The following SCN8A variants were observed in gnomAD, a reference collection of about 807,000 sequenced individuals.
The protein encoded by SCN8A is sodium voltage-gated channel alpha subunit 8.
In SCN8A, 30 loss-of-function variants were observed where a neutral mutation model predicts 184.1. The observed-to-expected ratio is 0.16, with a 90% CI of 0.12 to 0.22. The LOEUF (loss-of-function observed/expected upper bound fraction) is 0.22, where lower values mean the gene tolerates loss of function less well. SCN8A is among the 10% of genes least tolerant of loss of function. The pLI is 1.00. For synonymous variants in SCN8A, 852 were observed against 907.0 expected (o/e 0.94, Z 1.09); for missense variants, 1,057 against 2,498.9 (o/e 0.42, Z 12.30).
intron 6 of SCN8A, among the ~76,000 whole-genome samples, chr12:51,697,049 A>AAAG (rs970837592): frequency 6.6e-6 from 1 of 151,440 alleles, no homozygotes; most frequent in African/African-American, 2.4e-5. Context: ...AAAAAAAAAA[A>AAAG]AAAATGAAAA....
rs1205120569 is a variant in SCN8A at position 51,664,600 on chromosome 12, A to G, written c.276+1507A>G. 2.6e-5 allele frequency among the ~76,000 whole-genome samples: 4 copies of G among 152,184 alleles called. No individual in the cohort carries two copies. The East Asian group carries it at 5.8e-4, about 22-fold the overall frequency. On this transcript the variant is annotated intron_variant, in intron 2 of 26. Coordinates refer to ENST00000627620, the MANE Select transcript of SCN8A (RefSeq NM_001330260.2). ...ATAAATGAAGAAAAAAACCTTCTCA[A>G]AACTAGTTTGTAATTTTCGGCAAGA...
At chr12:51,640,213 T>G (rs987525921) in intron 1 of SCN8A, among the ~76,000 whole-genome samples, 15 of 1,436 alleles carry the variant, frequency 0.01, no homozygotes, top group South Asian at 0.067. Context: ...GCCTGGCCTG[T>G]TTTTTTTTTT....
At chr12:51,749,469 A>G (rs1942563442) in intron 13 of SCN8A, among the ~76,000 whole-genome samples, 1 of 152,228 alleles carries the variant, frequency 6.6e-6, no homozygotes, top group African/African-American at 2.4e-5. Flanking sequence ...GAACGGAACT[A>G]AATTTCCAAA....
intron 1 of SCN8A, among the ~76,000 whole-genome samples, chr12:51,639,130 C>T (rs975364544): frequency 6.6e-6 from 1 of 152,086 alleles, no homozygotes; most frequent in African/African-American, 2.4e-5. Context: ...AGGCTTCAGC[C>T]ACCACACCTG....
intron 15 of SCN8A, among the ~76,000 whole-genome samples, chr12:51,764,367 G>A (rs1481975269): frequency 6.6e-6 from 1 of 152,190 alleles, no homozygotes; most frequent in Non-Finnish European, 1.5e-5. Context: ...AGGCACAGTG[G>A]CTTACACCTG....
intron 26 of SCN8A, among the ~76,000 whole-genome samples, 171 bp downstream of exon 26, chr12:51,794,812 C>G (rs868233650): frequency 6.6e-6 from 1 of 150,844 alleles, no homozygotes; most frequent in Admixed American, 6.6e-5. Context: ...CTAGCAGGTT[C>G]CATGGTCAGT....
intron 6 of SCN8A, among the ~76,000 whole-genome samples, chr12:51,695,619 A>G (rs1941580054): frequency 6.6e-6 from 1 of 152,192 alleles, no homozygotes; most frequent in Admixed American, 6.5e-5. Flanking sequence ...GGTACAAGGA[A>G]GTACTTTGTC....
At chr12:51,760,259 CTT>C (rs1942742613) in intron 14 of SCN8A, among the ~76,000 whole-genome samples, 1 of 152,180 alleles carries the variant, frequency 6.6e-6, no homozygotes, top group South Asian at 2.1e-4. Flanking sequence ...TAAATCTGCT[CTT>C]CTCAATTTTT....
intron 1 of SCN8A, among the ~76,000 whole-genome samples, chr12:51,642,469 A>G (rs1183703012): frequency 2.0e-5 from 3 of 152,296 alleles, no homozygotes; most frequent in Non-Finnish European, 1.5e-5. Flanking sequence ...ACTGTTTGCA[A>G]TTTGTCACTC....
At chr12:51,715,784 A>G (rs1941955708) in intron 11 of SCN8A, among the ~76,000 whole-genome samples, 1 of 152,202 alleles carries the variant, frequency 6.6e-6, no homozygotes. Context: ...GACCTAAGGC[A>G]AAATTATGAA....
chr12:51,713,273 A>G (rs1260681074), intron 11 of SCN8A: 9 of 1,155,978 alleles, frequency 7.8e-6, no homozygotes, highest in Non-Finnish European at 1.2e-5. Flanking sequence ...TCCTCTCTAG[A>G]AACAGCTCTC....
chr12:51,779,479 T>G (rs565777223), intron 20 of SCN8A, among the ~76,000 whole-genome samples: 1 of 152,300 alleles, frequency 6.6e-6, no homozygotes, highest in South Asian at 2.1e-4. Flanking sequence ...TCTGCAGGCT[T>G]CTTCCCCCTG....
intron 1 of SCN8A, among the ~76,000 whole-genome samples, chr12:51,630,959 A>G (rs1307423714): frequency 6.6e-6 from 1 of 152,082 alleles, no homozygotes; most frequent in Non-Finnish European, 1.5e-5. Flanking sequence ...ACTACATCTC[A>G]TTGTCACACT....
chr12:51,760,220 GT>G (rs1208049694), intron 14 of SCN8A, among the ~76,000 whole-genome samples: 2 of 152,180 alleles, frequency 1.3e-5, no homozygotes, highest in African/African-American at 4.8e-5. Context: ...GCATATCACA[GT>G]GCAAACAAGA....
intron 19 of SCN8A, among the ~76,000 whole-genome samples, chr12:51,771,719 G>A (rs1942927871): frequency 2.6e-5 from 4 of 152,292 alleles, no homozygotes; most frequent in East Asian, 1.9e-4. Context: ...AGACCACCCC[G>A]CCTGCCCCTG....
chr12:51,789,552 C>G lies in SCN8A; in HGVS notation c.4419+134C>G. ...TATTGTTAGCTCACTGTGACCCTGG[C>G]CCCCATACGTTAGCCCCAACCCACT... On this transcript the variant is annotated intron_variant, in intron 24 of 26. Coordinates refer to ENST00000627620, the MANE Select transcript of SCN8A (RefSeq NM_001330260.2). 3.0e-6 allele frequency: 3 copies of G among 1,015,150 alleles called. No homozygotes were observed. In the Admixed American group the frequency reaches 7.1e-5, roughly 24 times the overall value. 62.9% of individuals were successfully genotyped at this position (1,015,150 alleles called of 1,614,324 possible). A position where few individuals can be genotyped will look rare whatever the true frequency, so the allele number is the denominator to read the frequency against.
intron 1 of SCN8A, among the ~76,000 whole-genome samples, chr12:51,639,493 T>TAGCCTCGAACTCCCTGACTCAAGTG (rs377610074): frequency 0.018 from 2,727 of 152,066 alleles, 80 homozygotes; most frequent in African/African-American, 0.062. Flanking sequence ...TAGCTCACTG[T>TAGCCTCGAACTCCCTGACTCAAGTG]AGCCTCGAAC....
intron 12 of SCN8A, among the ~76,000 whole-genome samples, chr12:51,738,327 A>T (rs1430177248): frequency 6.6e-6 from 1 of 152,226 alleles, no homozygotes; most frequent in East Asian, 1.9e-4. Flanking sequence ...CAGGTCATCC[A>T]TCGGGCCCCT....
At chr12:51,593,606 G>A (rs1346492718) in intron 1 of SCN8A, among the ~76,000 whole-genome samples, 1 of 152,090 alleles carries the variant, frequency 6.6e-6, no homozygotes, top group Non-Finnish European at 1.5e-5. Flanking sequence ...TTGTATTCAG[G>A]TTTCTTGCTG....
Sources: gnomAD v4.1 joint callset for allele counts (sites outside exome capture counted in the v4.1 genomes callset) on GRCh38, gnomAD v4.1.1 for gene constraint, MANE v1.5 for transcripts, NCBI Gene and HGNC (gene_info 2026-07-23, HGNC 2026-07-21) for gene names.